Variants in PCM1 observed in about 807,000 individuals in gnomAD.
PCM1 encodes pericentriolar material 1 protein.
A neutral mutation model predicts 241.9 loss-of-function variants in PCM1; 157 were observed. The ratio of observed to expected loss-of-function variants is 0.65; its 90% CI spans 0.57 to 0.74. The LOEUF is 0.74. Among genes scored for constraint, PCM1 ranks in the 30% least tolerant of loss-of-function variants. The pLI, the probability that PCM1 is intolerant of heterozygous loss-of-function variation, is 0.00. For missense variants in PCM1, 3,478 were observed against 2,360.1 expected (o/e 1.47, Z -9.81); for synonymous variants, 1,085 against 784.9 (o/e 1.38, Z -6.39).
intron 29 of PCM1, among the ~76,000 whole-genome samples, chr8:17,995,928 T>C (rs528114154): frequency 5.2e-4 from 79 of 152,278 alleles, no homozygotes; most frequent in Non-Finnish European, 9.3e-4. Context: ...ATAGTATTCT[T>C]GTGGAGTCTT....
At chr8:17,924,341 A>T (rs10096484) in intron 1 of PCM1, among the ~76,000 whole-genome samples, 51,046 of 152,146 alleles carry the variant, frequency 0.34, 10,539 homozygotes, top group Middle Eastern at 0.5. Flanking sequence ...AAACATTTTT[A>T]AAATCATCGG....
chr8:18,025,491 A>G (rs779997944), intron 37 of PCM1, 38 bp downstream of exon 37: 3 of 1,521,870 alleles, frequency 2.0e-6, no homozygotes, highest in African/African-American at 1.4e-5. Flanking sequence ...TCTTTACATA[A>G]CAAATACTGT....
chr8:17,923,533 C>T (rs1247749593), intron 1 of PCM1, among the ~76,000 whole-genome samples: 1 of 152,134 alleles, frequency 6.6e-6, no homozygotes, highest in East Asian at 1.9e-4. Context: ...GGAAGCGGAG[C>T]GGGGACTCTG....
chr8:17,960,492 C>T (rs558178835), intron 15 of PCM1, 48 bp downstream of exon 15: 89 of 1,481,764 alleles, frequency 6.0e-5, no homozygotes, highest in South Asian at 5.1e-4. Flanking sequence ...ATGTTTAAAA[C>T]CTTAGGTCAA....
At chr8:17,929,059 ACTTT>A (rs753629471) in intron 2 of PCM1, among the ~76,000 whole-genome samples, 13 of 152,176 alleles carry the variant, frequency 8.5e-5, no homozygotes, top group East Asian at 1.9e-4. Flanking sequence ...TTAGCTAATG[ACTTT>A]CTTTATTTTT....
chr8:17,927,530 C>G (rs2057448929), intron 2 of PCM1: 1 of 152,010 alleles, frequency 6.6e-6, no homozygotes, highest in Non-Finnish European at 1.5e-5. Context: ...TGTAATATGT[C>G]TCTATAGTTA....
chr8:17,966,519 T>C, intron 20 of PCM1, 46 bp downstream of exon 20: 3 of 1,553,060 alleles, frequency 1.9e-6, no homozygotes, highest in South Asian at 2.3e-5. Context: ...GAGCTAACAT[T>C]GAGCAGAGGT....
intron 34 of PCM1, among the ~76,000 whole-genome samples, chr8:18,012,033 T>C (rs1029925155): frequency 1.3e-5 from 2 of 152,224 alleles, no homozygotes; most frequent in Non-Finnish European, 2.9e-5. Flanking sequence ...CTCAGTCTTC[T>C]GGGCTGGAGT....
At chr8:17,987,594 G>A (rs1308308622) in intron 26 of PCM1, among the ~76,000 whole-genome samples, 3 of 151,854 alleles carry the variant, frequency 2.0e-5, no homozygotes, top group African/African-American at 4.8e-5. Flanking sequence ...ATTGTATTTA[G>A]TATTACTTTT....
At chr8:17,946,177 C>A (rs889416792) in intron 6 of PCM1, among the ~76,000 whole-genome samples, 2 of 152,138 alleles carry the variant, frequency 1.3e-5, no homozygotes, top group Non-Finnish European at 2.9e-5. Context: ...TAATCCATCC[C>A]TCTACTTTTA....
At chr8:17,947,469 G>A in intron 7 of PCM1, 106 bp downstream of exon 7, 1 of 848,126 alleles carries the variant, frequency 1.2e-6, no homozygotes, top group Non-Finnish European at 1.8e-6. Flanking sequence ...TTGTTGTCTA[G>A]TTTAGAAACC....
At chr8:18,017,738 A>C (rs916579432) in intron 36 of PCM1, among the ~76,000 whole-genome samples, 1 of 152,190 alleles carries the variant, frequency 6.6e-6, no homozygotes, top group Admixed American at 6.5e-5. Context: ...CTGTAAACCC[A>C]GCTACACAGG....
At chr8:18,017,946 G>C (rs1050730576) in intron 36 of PCM1, among the ~76,000 whole-genome samples, 1 of 152,150 alleles carries the variant, frequency 6.6e-6, no homozygotes, top group Non-Finnish European at 1.5e-5. Context: ...CTCTCCATAA[G>C]GCCCTTAAAC....
chr8:17,964,571 G>A lies in PCM1; in HGVS notation c.2658G>A (p.Thr886=), dbSNP rs749508754. 3.7e-6 allele frequency: 6 copies of A among 1,612,084 alleles called. No individual in the cohort carries two copies. The highest frequency in any genetic ancestry group is 1.7e-5 in the Admixed American group (1 of 59,850). ...CTPQQSRTEK[T]MATWGGSTQC... is the part of the protein sequence containing the mutation. ...TTTTATGTCTCTTAATCACTAGAAC[G>A]ATGGCAACTTGGGGAGGGTCTACCC... Residue 886 remains threonine, a synonymous_variant, in exon 18 of 39, where the codon ACG becomes ACA. Coordinates refer to ENST00000325083, the MANE Select transcript of PCM1 (RefSeq NM_006197.4).
At chr8:18,020,423 T>TAACA (rs967761082) in intron 36 of PCM1, among the ~76,000 whole-genome samples, 18 of 152,292 alleles carry the variant, frequency 1.2e-4, no homozygotes, top group African/African-American at 4.3e-4. Flanking sequence ...ATAAGTAGAC[T>TAACA]AACATTTTAT....
Position 17,972,468 on chromosome 8 carries a change from A to T in PCM1, c.3724A>T (p.Asn1242Tyr). ...VEKSTSSNRK[N>Y]QLDTNGRRRQ... ...AAAATCTACAAGTAGTAACCGCAAA[A>T]ATCAATTAGATACAAACGGAAGAAG... is the stretch of plus-strand genomic sequence containing the variant. The change falls in exon 23 of 39, where the codon AAT becomes TAT. Residue 1242 changes from asparagine to tyrosine, a missense_variant. By Grantham distance (143) the Asn-to-Tyr change is moderately radical (BLOSUM62 -2). Transcript: ENST00000325083. 1 of 1,613,832 alleles carries T rather than the reference A, an allele frequency of 6.2e-7. No homozygotes were observed. Among genetic ancestry groups the T allele is most frequent in the Non-Finnish European group, 8.5e-7 (1 of 1,179,794 alleles).
At chr8:17,996,883 G>C (rs1451231852) in intron 29 of PCM1, among the ~76,000 whole-genome samples, 2 of 152,030 alleles carry the variant, frequency 1.3e-5, no homozygotes, top group Non-Finnish European at 2.9e-5. Context: ...TTGAAAAGTT[G>C]TTGTAGCTAC....
At chr8:17,987,764 T>C (rs1199777200) in intron 26 of PCM1, among the ~76,000 whole-genome samples, 1 of 151,914 alleles carries the variant, frequency 6.6e-6, no homozygotes, top group Non-Finnish European at 1.5e-5. Flanking sequence ...TAGAACTTTC[T>C]ATAGTGATGG....
In PCM1 at chr8:18,009,638, C is replaced by G; in HGVS notation, c.5054C>G (p.Ala1685Gly). The change falls in exon 31 of 39, where the codon GCT becomes GGT. Residue 1685 changes from alanine (A) to glycine (G), a missense_variant. Ala to Gly is a moderately conservative substitution (Grantham distance 60). Coordinates refer to ENST00000325083, the MANE Select transcript of PCM1 (RefSeq NM_006197.4). ...EISEVLFNEL[A>G]FFKLMQDLDN... ...TCTGAAGTGTTGTTCAATGAATTGG[C>G]TTTCTTTAAGCTTATGCAAGATTTG... The G allele has an allele frequency of 6.3e-7, 1 of 1,591,176 alleles. No individual in the cohort carries two copies. The highest frequency in any genetic ancestry group is 8.6e-7 in the Non-Finnish European group (1 of 1,168,404).
Sources: gnomAD v4.1 joint callset for allele counts (sites outside exome capture counted in the v4.1 genomes callset) on GRCh38, gnomAD v4.1.1 for gene constraint, MANE v1.5 for transcripts, NCBI Gene and HGNC (gene_info 2026-07-23, HGNC 2026-07-21) for gene names.